Variants in CRYBG3 observed in about 807,000 individuals in gnomAD.
CRYBG3 encodes very large A-kinase anchor protein.
In CRYBG3, 127 loss-of-function variants were observed where a neutral mutation model predicts 244.2. The observed-to-expected ratio is 0.52, with a 90% CI of 0.45 to 0.60. CRYBG3 has a LOEUF of 0.60. Among genes scored for constraint, CRYBG3 ranks in the 20% least tolerant of loss-of-function variants. The pLI is 0.00. For synonymous variants in CRYBG3, 1,132 were observed against 1,195.8 expected, an observed-to-expected ratio of 0.95 and a Z score of 1.10; for missense variants, 3,325 against 3,442.5, an observed-to-expected ratio of 0.97 and a Z score of 0.85.
intron 4 of CRYBG3, among the ~76,000 whole-genome samples, chr3:97,879,493 A>G (rs1042874900): frequency 2.6e-5 from 4 of 152,178 alleles, no homozygotes; most frequent in African/African-American, 9.7e-5. Flanking sequence ...TGTTTGACCC[A>G]TTCTAAGCTA....
In CRYBG3 at chr3:97,874,900, C is replaced by T. The variant is rs1025300765; in HGVS notation, c.3706C>T (p.Leu1236=). 13 of 1,535,044 alleles carry T rather than the reference C, an allele frequency of 8.5e-6. No homozygotes were observed. Among genetic ancestry groups the T allele is most frequent in the Middle Eastern group, 1.7e-4 (1 of 5,982 alleles). ...EHIAIEGIMN[L]GTLKEDISEK... is the part of the protein sequence containing the mutation. ...TATAGCCATAGAAGGTATAATGAATCTGGGTACCCTGAAAGAAGACATCTC... is the reference window on the plus strand; with the variant it reads ...TATAGCCATAGAAGGTATAATGAATTTGGGTACCCTGAAAGAAGACATCTC... Residue 1236 remains leucine, a synonymous_variant, in exon 4 of 22, where the codon CTG becomes TTG. Coordinates refer to ENST00000389622, the MANE Select transcript of CRYBG3 (RefSeq NM_153605.4).
In CRYBG3 at chr3:97,898,846, T is replaced by A. The variant is rs753318126; in HGVS notation, c.7702-37T>A. On this transcript the variant is annotated intron_variant, in intron 12 of 21. Coordinates refer to ENST00000389622, the MANE Select transcript of CRYBG3 (RefSeq NM_153605.4). ...TAATAGCAGTCCATAAAACAGAATA[T>A]GTATGTTTTCCTAAACTTTCCTCTT... is the stretch of plus-strand genomic sequence containing the variant. The A allele has an allele frequency of 2.1e-6, 3 of 1,459,384 alleles. No homozygotes were observed. In the East Asian group the frequency reaches 6.9e-5, roughly 33 times the overall value. The allele number at this position is 1,459,384 out of a possible 1,614,324, so 90.4% of individuals were successfully genotyped here. A position where few individuals can be genotyped will look rare whatever the true frequency, so the allele number is the denominator to read the frequency against.
chr3:97,941,157 T>C lies in CRYBG3; in HGVS notation c.8515T>C (p.Tyr2839His). 6.2e-7 allele frequency: 1 copy of C among 1,609,638 alleles called. No homozygotes were observed. Among genetic ancestry groups the C allele is most frequent in the Admixed American group, 1.7e-5 (1 of 59,512 alleles). Residue 2839 changes from tyrosine (Y) to histidine (H), a missense_variant, in exon 20 of 22, where the codon TAC becomes CAC. This residue lies in a region of CRYBG3 where 714 missense variants were observed against 803.6 expected (regional missense o/e 0.89). Transcript: ENST00000389622. ...GTTTCTCCTGTCATAGCCTGCAGTG[T>C]ACATCAGAATAAAGAACCGTGCCCA... is the stretch of plus-strand genomic sequence containing the variant. The part of the protein sequence containing the change: ...SLRPMKQPAV[Y>H]IRIKNRAQGE...
At chr3:97,940,076 G>T (rs1409637359) in intron 19 of CRYBG3, among the ~76,000 whole-genome samples, 2 of 151,978 alleles carry the variant, frequency 1.3e-5, no homozygotes, top group Non-Finnish European at 2.9e-5. Context: ...ACTCAGCCAG[G>T]GTTCTAATTG....
chr3:97,886,643 C>G lies in CRYBG3; in HGVS notation c.7165C>G (p.Pro2389Ala). ...TTTTTTTTTTCAGGACTGCAGCATTCCAGAAATAGAGCTTTTCCCACAATC... is the reference window on the plus strand; with the variant it reads ...TTTTTTTTTTCAGGACTGCAGCATTGCAGAAATAGAGCTTTTCCCACAATC... The part of the protein sequence containing the change: ...LKRVLKDCSI[P>A]EIELFPQSDP... The change falls in exon 8 of 22, where the codon CCA becomes GCA. Residue 2389 changes from proline to alanine, a missense_variant. Around this residue, in one of 4 missense-constraint regions of CRYBG3, gnomAD observed 714 missense variants for 803.6 expected, o/e 0.89. Coordinates refer to ENST00000389622, the MANE Select transcript of CRYBG3 (RefSeq NM_153605.4). The G allele has an allele frequency of 6.2e-7, 1 of 1,603,252 alleles. No individual in the cohort carries two copies. The highest frequency in any genetic ancestry group is 1.1e-5 in the South Asian group (1 of 88,460).
intron 17 of CRYBG3, among the ~76,000 whole-genome samples, chr3:97,919,085 G>A (rs2039957302): frequency 6.6e-6 from 1 of 152,104 alleles, no homozygotes; most frequent in Admixed American, 6.6e-5. Context: ...CTAGATTTTG[G>A]AGAAAATGAA....
intron 12 of CRYBG3, 76 bp downstream of exon 12, chr3:97,896,161 A>G (rs1313714832): frequency 7.5e-7 from 1 of 1,326,978 alleles, no homozygotes; most frequent in East Asian, 2.4e-5. Flanking sequence ...GACTCCTGAT[A>G]GAACATGAGA....
intron 17 of CRYBG3, among the ~76,000 whole-genome samples, chr3:97,926,428 TAA>T (rs1045806628): frequency 2.6e-5 from 4 of 151,958 alleles, no homozygotes; most frequent in African/African-American, 9.7e-5. Flanking sequence ...CACAAAATAA[TAA>T]AGAGACTTAT....
Position 97,892,911 on chromosome 3 carries a change from G to A in CRYBG3, c.7492G>A (p.Glu2498Lys). ...HFHGQAKEFS[E>K]HIDSVPNFLK... ...CCATGGACAGGCTAAAGAGTTTAGT[G>A]AACATATAGATTCTGTTCCTAATTT... The change falls in exon 11 of 22, where the codon GAA (glutamate) becomes AAA (lysine). Residue 2498 changes from glutamate (E) to lysine (K), a missense_variant. Around this residue, in one of 4 missense-constraint regions of CRYBG3, gnomAD observed 714 missense variants for 803.6 expected, o/e 0.89. Coordinates refer to ENST00000389622, the MANE Select transcript of CRYBG3 (RefSeq NM_153605.4). The A allele has an allele frequency of 3.2e-6, 5 of 1,580,136 alleles. No individual in the cohort carries two copies. The highest frequency in any genetic ancestry group is 4.3e-6 in the Non-Finnish European group (5 of 1,156,238).
At chr3:97,880,910 C>T (rs929432975) in intron 6 of CRYBG3, among the ~76,000 whole-genome samples, 162 bp from the exon 7 acceptor site, 6 of 152,156 alleles carry the variant, frequency 3.9e-5, no homozygotes, top group African/African-American at 1.4e-4. Flanking sequence ...TTCGCCTGTA[C>T]TTAAATTAGC....
At chr3:97,829,559 A>T (rs2038626343) in intron 1 of CRYBG3, among the ~76,000 whole-genome samples, 1 of 152,212 alleles carries the variant, frequency 6.6e-6, no homozygotes, top group South Asian at 2.1e-4. Flanking sequence ...TACAAAATTG[A>T]TGTGCCTTAT....
chr3:97,823,166 C>G (rs1203993661), intron 1 of CRYBG3, among the ~76,000 whole-genome samples: 8 of 152,146 alleles, frequency 5.3e-5, no homozygotes, highest in Admixed American at 5.2e-4. Context: ...ATTTAAATGC[C>G]TGTTTCTGAG....
At chr3:97,938,989 A>T (rs2040196494) in intron 19 of CRYBG3, among the ~76,000 whole-genome samples, 2 of 152,004 alleles carry the variant, frequency 1.3e-5, no homozygotes. Flanking sequence ...AAGTAGAGAT[A>T]GGAATTCAGT....
Position 97,912,150 on chromosome 3 carries a change from T to G in CRYBG3, c.8005-17T>G. 7.1e-7 allele frequency: 1 copy of G among 1,407,980 alleles called. No homozygotes were observed. Among genetic ancestry groups the G allele is most frequent in the Non-Finnish European group, 9.9e-7 (1 of 1,013,580 alleles). 87.2% of individuals were successfully genotyped at this position (1,407,980 alleles called of 1,614,324 possible). A position where few individuals can be genotyped will look rare whatever the true frequency, so the allele number is the denominator to read the frequency against. On this transcript the variant is annotated splice_polypyrimidine_tract_variant and intron_variant, in intron 15 of 21. Transcript: ENST00000389622. ...CCATTTTTTTTCTATTTAACTGTTG[T>G]GTTGTTGTTCTTGTAGCTCAAAGCA... is the stretch of plus-strand genomic sequence containing the variant.
intron 10 of CRYBG3, among the ~76,000 whole-genome samples, chr3:97,891,732 C>A (rs1003178888): frequency 6.6e-6 from 1 of 152,002 alleles, no homozygotes. Flanking sequence ...AACTCAGGAG[C>A]GTAAGGTGGA....
intron 15 of CRYBG3, among the ~76,000 whole-genome samples, chr3:97,910,221 C>A (rs1223902463): frequency 1.3e-5 from 2 of 151,982 alleles, no homozygotes; most frequent in Non-Finnish European, 2.9e-5. Context: ...GCCCTGCCCC[C>A]AGAGGTGGAG....
chr3:97,911,726 G>C (rs529998508), intron 15 of CRYBG3, among the ~76,000 whole-genome samples: 3 of 152,330 alleles, frequency 2.0e-5, no homozygotes, highest in South Asian at 4.1e-4. Context: ...GCTAGGGAGA[G>C]AAGCAGCATA....
rs182563586 is a variant in CRYBG3, at chr3:97,879,662, C to T, written c.6844-42C>T. On this transcript the variant is annotated intron_variant, in intron 4 of 21. Transcript: ENST00000389622. ...GAAAATGAATTATGCATCTTTTCACCGATGTTTCTTAAAGCTTACTTTTCC... is the reference window on the plus strand; with the variant it reads ...GAAAATGAATTATGCATCTTTTCACTGATGTTTCTTAAAGCTTACTTTTCC... The T allele has an allele frequency of 1.0e-3, 1,407 of 1,391,160 alleles. 9 individuals are homozygous for T. Among genetic ancestry groups the T allele is most frequent in the South Asian group, 6.8e-3 (530 of 77,662 alleles). The allele number at this position is 1,391,160 out of a possible 1,614,324, so 86.2% of individuals were successfully genotyped here. A position where few individuals can be genotyped will look rare whatever the true frequency, so the allele number is the denominator to read the frequency against.
chr3:97,920,673 G>A (rs943719416), intron 17 of CRYBG3, among the ~76,000 whole-genome samples: 8 of 152,096 alleles, frequency 5.3e-5, no homozygotes, highest in Non-Finnish European at 1.0e-4. Flanking sequence ...GGGATTACAG[G>A]CACGTGCCAT....
Sources: gnomAD v4.1 joint callset for allele counts (sites outside exome capture counted in the v4.1 genomes callset) on GRCh38, gnomAD v4.1.1 for gene constraint, gnomAD v4.1.1 regional missense constraint, MANE v1.5 for transcripts, NCBI Gene and HGNC (gene_info 2026-07-23, HGNC 2026-07-21) for gene names.